The following DNAAF8 variants were observed in gnomAD, a reference collection of about 807,000 sequenced individuals.
DNAAF8 encodes dynein axonemal assembly factor 8, also known as dynein axonemal-associated protein 1.
Under a neutral mutation model 54.6 loss-of-function variants are expected in DNAAF8, and 61 were observed. The ratio of observed to expected loss-of-function variants is 1.12; its 90% CI spans 0.91 to 1.38. DNAAF8 has a LOEUF of 1.38. Ranked by LOEUF, DNAAF8 falls within the 40% of genes most tolerant of loss-of-function variation. DNAAF8 has a pLI of 0.00. For missense variants in DNAAF8, 837 were observed against 665.0 expected (o/e 1.26, Z -2.85); for synonymous variants, 320 against 270.1 (o/e 1.18, Z -1.81).
At chr16:4,748,071 C>G (rs17137242) in intron 9 of DNAAF8, among the ~76,000 whole-genome samples, 89,857 of 152,004 alleles carry the variant, frequency 0.59, 27,263 homozygotes, top group East Asian at 0.68. Flanking sequence ...GCCTTATTTT[C>G]TGGCTTCCTG....
rs2081916599 is a variant in DNAAF8, at chr16:4,737,924, C to T, written c.254C>T (p.Ala85Val). Residue 85 changes from alanine to valine, a missense_variant, in exon 3 of 10, where the codon GCA becomes GTA. By Grantham distance (64) the Ala-to-Val change is moderately conservative. Coordinates refer to ENST00000299320, the MANE Select transcript of DNAAF8 (RefSeq NM_139170.3). ...DGDKSRAWVAAAEESLPEPVL... is the reference protein window; with the variant it reads ...DGDKSRAWVAVAEESLPEPVL... ...GACAAGTCCAGGGCCTGGGTCGCTG[C>T]AGCTGAAGAGTCCCTTCCCGAGGTC... 2 of 1,614,230 alleles carry T rather than the reference C, an allele frequency of 1.2e-6. No homozygotes were observed. The highest frequency in any genetic ancestry group is 8.5e-7 in the Non-Finnish European group (1 of 1,180,040).
At position 4,745,931 on chromosome 16, in the gene DNAAF8, C is replaced by G. The variant is rs537943185; in HGVS notation, c.1044-444C>G. On this transcript the variant is annotated intron_variant, in intron 6 of 9. Coordinates refer to ENST00000299320, the MANE Select transcript of DNAAF8 (RefSeq NM_139170.3). The stretch of plus-strand genomic sequence containing the variant: ...TCATGCCACTGCAGTCCAGCCTGGG[C>G]GACAGAGCAAGACTCTGTCTCAAAA... 2.2e-5 allele frequency among the ~76,000 whole-genome samples: 3 copies of G among 136,064 alleles called. No individual in the cohort carries two copies. In the South Asian group the frequency reaches 6.8e-4, roughly 31 times the overall value. 89.3% of individuals were successfully genotyped at this position (136,064 alleles called of 152,430 possible).
At chr16:4,744,722 C>A in intron 5 of DNAAF8, 148 bp from the exon 6 acceptor site, 1 of 994,340 alleles carries the variant, frequency 1.0e-6, no homozygotes, top group Non-Finnish European at 1.4e-6. Flanking sequence ...CCTCAGAGGG[C>A]TGAGTAGGGA....
Position 4,744,991 on chromosome 16 carries a change from A to C in DNAAF8, c.1023A>C (p.Lys341Asn), listed in dbSNP as rs1211449057. ...KVPADTPQDT[K>N]EADSGSRCAS... is the part of the protein sequence containing the mutation. Reference sequence around the variant, plus strand: ...CTGCCGACACTCCCCAGGACACCAAAGAGGCAGATTCAGGAAGCAGGTGGG... The same window carrying C: ...CTGCCGACACTCCCCAGGACACCAACGAGGCAGATTCAGGAAGCAGGTGGG... Residue 341 changes from lysine (K) to asparagine (N), a missense_variant, in exon 6 of 10, where the codon AAA becomes AAC. By Grantham distance (94) the Lys-to-Asn change is moderately conservative. Coordinates refer to ENST00000299320, the MANE Select transcript of DNAAF8 (RefSeq NM_139170.3). 3.7e-6 allele frequency: 6 copies of C among 1,613,544 alleles called. No individual in the cohort carries two copies. Among genetic ancestry groups the C allele is most frequent in the Non-Finnish European group, 4.2e-6 (5 of 1,179,578 alleles).
intron 1 of DNAAF8, among the ~76,000 whole-genome samples, chr16:4,735,998 CAGTAAAGGGT>C (rs1439333750): frequency 6.6e-6 from 1 of 151,574 alleles, no homozygotes; most frequent in African/African-American, 2.4e-5. Flanking sequence ...TGGTAAAGGG[CAGTAAAGGGT>C]AGTAGGACTT....
In DNAAF8 at chr16:4,734,643, G is replaced by A. The variant is rs912818409; in HGVS notation, c.-107G>A. The A allele has an allele frequency of 3.9e-5, 6 of 152,380 alleles. No homozygotes were observed. The highest frequency in any genetic ancestry group is 1.3e-4 in the Admixed American group (2 of 15,280). 9.4% of individuals were successfully genotyped at this position (152,380 alleles called of 1,614,324 possible). ...GCGGACGCGAGCGGAGTGACGCGCT[G>A]GAGGCTGTTTATAGCGCTGTCAGGA... is the stretch of plus-strand genomic sequence containing the variant. On this transcript the variant is annotated 5_prime_UTR_variant, in exon 1 of 10. Transcript: ENST00000299320.
At chr16:4,746,802 C>T in intron 7 of DNAAF8, 125 bp from the exon 8 acceptor site, 1 of 915,534 alleles carries the variant, frequency 1.1e-6, no homozygotes, top group South Asian at 1.8e-5. Flanking sequence ...CGTCCACCGG[C>T]CTCCAGTGTG....
At chr16:4,736,436 C>G in intron 1 of DNAAF8, 28 bp from the exon 2 acceptor site, 2 of 1,373,134 alleles carry the variant, frequency 1.5e-6, no homozygotes, top group East Asian at 2.7e-5. Flanking sequence ...GGCCCGGACC[C>G]TCTTCCATCA....
At position 4,746,285 on chromosome 16, in the gene DNAAF8, G is replaced by T. The variant is rs1240835172; in HGVS notation, c.1044-90G>T. On this transcript the variant is annotated intron_variant, in intron 6 of 9. Coordinates refer to ENST00000299320, the MANE Select transcript of DNAAF8 (RefSeq NM_139170.3). ...GAGAGTGGGCACTCACTGGGTGGCA[G>T]CCACGAGCACTGTGACTGGACAAAC... 18 of 1,395,706 alleles carry T rather than the reference G, an allele frequency of 1.3e-5. No homozygotes were observed. In the East Asian group the frequency reaches 3.7e-4, roughly 29 times the overall value. 86.5% of individuals were successfully genotyped at this position (1,395,706 alleles called of 1,614,324 possible). A position where few individuals can be genotyped will look rare whatever the true frequency, so the allele number is the denominator to read the frequency against.
chr16:4,744,994 G>C lies in DNAAF8; in HGVS notation c.1026G>C (p.Glu342Asp). 6.2e-7 allele frequency: 1 copy of C among 1,613,418 alleles called. No individual in the cohort carries two copies. The highest frequency in any genetic ancestry group is 1.7e-5 in the Admixed American group (1 of 60,016). Residue 342 changes from glutamate (E) to aspartate (D), a missense_variant, in exon 6 of 10, where the codon GAG (glutamate) becomes GAC (aspartate). By Grantham distance (45) the Glu-to-Asp change is conservative. Coordinates refer to ENST00000299320, the MANE Select transcript of DNAAF8 (RefSeq NM_139170.3). ...CCGACACTCCCCAGGACACCAAAGAGGCAGATTCAGGAAGCAGGTGGGACT... is the reference window on the plus strand; with the variant it reads ...CCGACACTCCCCAGGACACCAAAGACGCAGATTCAGGAAGCAGGTGGGACT... ...VPADTPQDTK[E>D]ADSGSRCASR... is the part of the protein sequence containing the mutation.
At chr16:4,747,250 CT>C (rs755032873) in intron 8 of DNAAF8, 92 bp from the exon 9 acceptor site, 113 of 1,423,776 alleles carry the variant, frequency 7.9e-5, no homozygotes, top group Non-Finnish European at 1.1e-4. Flanking sequence ...GAAATGGGAG[CT>C]GGGCTCATCT....
At chr16:4,744,796 C>A in intron 5 of DNAAF8, 74 bp from the exon 6 acceptor site, 1 of 1,520,784 alleles carries the variant, frequency 6.6e-7, no homozygotes, top group South Asian at 1.2e-5. Flanking sequence ...CCCAGGGGTC[C>A]TGAGGCTCCA....
rs1011106842 is a variant in DNAAF8 at position 4,744,686 on chromosome 16, C to T, written c.902-184C>T. On this transcript the variant is annotated intron_variant, in intron 5 of 9. Transcript: ENST00000299320. ...CTGCTCATAAAGATTCTGCCCCCCT[C>T]AGCCCTGCTGAGCTAGAGGTGGAGT... 6.6e-5 allele frequency among the ~76,000 whole-genome samples: 10 copies of T among 152,322 alleles called. 1 individual carries two copies. The South Asian group carries it at 1.9e-3, about 28-fold the overall frequency.
Position 4,736,456 on chromosome 16 carries a change from C to T in DNAAF8, c.-51-8C>T, listed in dbSNP as rs1434260983. 6 of 1,424,094 alleles carry T rather than the reference C, an allele frequency of 4.2e-6. No homozygotes were observed. Among genetic ancestry groups the T allele is most frequent in the Admixed American group, 2.4e-5 (1 of 41,424 alleles). The allele number at this position is 1,424,094 out of a possible 1,614,324, so 88.2% of individuals were successfully genotyped here. A position where few individuals can be genotyped will look rare whatever the true frequency, so the allele number is the denominator to read the frequency against. Reference sequence around the variant, plus strand: ...GGACCCTCTTCCATCACCCTGTGTACCCCACAGAGCTCCCCGGATTATGGT... The same window carrying T: ...GGACCCTCTTCCATCACCCTGTGTATCCCACAGAGCTCCCCGGATTATGGT... On this transcript the variant is annotated splice_region_variant and splice_polypyrimidine_tract_variant and intron_variant, in intron 1 of 9. Coordinates refer to ENST00000299320, the MANE Select transcript of DNAAF8 (RefSeq NM_139170.3).
At chr16:4,748,086 C>G (rs1254839480) in intron 9 of DNAAF8, among the ~76,000 whole-genome samples, 1 of 152,182 alleles carries the variant, frequency 6.6e-6, no homozygotes, top group Admixed American at 6.5e-5. Flanking sequence ...TTCCTGCATA[C>G]TTGCTATTTT....
rs376548562 is a variant in DNAAF8, at chr16:4,740,234, G to A, written c.358G>A (p.Gly120Arg). Residue 120 changes from glycine to arginine, a missense_variant, in exon 4 of 10, where the codon GGA (glycine) becomes AGA (arginine). Transcript: ENST00000299320. ...GACAAAGGATGCATCCTCTCAGGAAGGAAGAGACCCTGGCAGGCCTTTTGA... is the reference window on the plus strand; with the variant it reads ...GACAAAGGATGCATCCTCTCAGGAAAGAAGAGACCCTGGCAGGCCTTTTGA... ...TRTKDASSQE[G>R]RDPGRPFESS... 2.4e-5 allele frequency: 39 copies of A among 1,613,972 alleles called. No individual in the cohort carries two copies. The highest frequency in any genetic ancestry group is 3.1e-5 in the Non-Finnish European group (37 of 1,179,988).
At chr16:4,745,621 G>C (rs1178114362) in intron 6 of DNAAF8, among the ~76,000 whole-genome samples, 1 of 152,172 alleles carries the variant, frequency 6.6e-6, no homozygotes, top group Non-Finnish European at 1.5e-5. Context: ...CCAGCAGTGG[G>C]TTTCTGTGTC....
At chr16:4,740,811 G>T in intron 4 of DNAAF8, 152 bp downstream of exon 4, 2 of 1,042,482 alleles carry the variant, frequency 1.9e-6, no homozygotes, top group African/African-American at 1.6e-5. Context: ...TCTCAGTAGA[G>T]GGGTGGAGGG....
chr16:4,741,677 G>A (rs1475752558), intron 4 of DNAAF8, among the ~76,000 whole-genome samples: 2 of 152,096 alleles, frequency 1.3e-5, no homozygotes, highest in Non-Finnish European at 1.5e-5. Context: ...GTGCGCGCCT[G>A]TAGTCCCACT....
Sources: allele counts gnomAD v4.1 joint callset (sites outside exome capture counted in the v4.1 genomes callset), GRCh38; gene constraint gnomAD v4.1.1; transcripts MANE v1.5; gene names NCBI Gene and HGNC (gene_info 2026-07-23, HGNC 2026-07-21).